The following NAPB variants were observed in gnomAD, a reference collection of about 807,000 sequenced individuals.
NAPB encodes the protein NSF attachment protein beta.
In NAPB, 26 loss-of-function variants were observed where a neutral mutation model predicts 44.7. The observed-to-expected ratio is 0.58, with a 90% CI of 0.43 to 0.81. NAPB has a LOEUF of 0.81. Among genes scored for constraint, NAPB ranks in the 30% least tolerant of loss-of-function variants. NAPB has a pLI of 0.00. For missense variants in NAPB, 315 were observed against 356.4 expected, an observed-to-expected ratio of 0.88 and a Z score of 0.94; for synonymous variants, 120 against 116.8, an observed-to-expected ratio of 1.03 and a Z score of -0.18.
At chr20:23,414,484 G>C (rs188293338) in intron 1 of NAPB, among the ~76,000 whole-genome samples, 4 of 152,002 alleles carry the variant, frequency 2.6e-5, no homozygotes, top group Admixed American at 6.6e-5. Context: ...GTTTATCTCC[G>C]CAGATATTCA....
rs1982401866 is a variant in NAPB, at chr20:23,375,143, C to A, written c.*2233G>T. The A allele has an allele frequency of 1.3e-5, 2 of 151,960 alleles. No homozygotes were observed. The highest frequency in any genetic ancestry group is 2.9e-5 in the Non-Finnish European group (2 of 68,010). 9.4% of individuals were successfully genotyped at this position (151,960 alleles called of 1,614,324 possible). ...TAATCTTCTGGCAGGTCTCTTCTAG[C>A]CATTACAATTACTTTGATTCTTTTC... On this transcript the variant is annotated 3_prime_UTR_variant, in exon 11 of 11. Coordinates refer to ENST00000377026, the MANE Select transcript of NAPB (RefSeq NM_022080.3).
intron 2 of NAPB, among the ~76,000 whole-genome samples, chr20:23,397,713 G>C (rs773107393): frequency 6.6e-6 from 1 of 152,138 alleles, no homozygotes; most frequent in South Asian, 2.1e-4. Context: ...ATCCAGAAAA[G>C]TCTAAAAATC....
At chr20:23,415,112 T>A (rs1685202464) in intron 1 of NAPB, among the ~76,000 whole-genome samples, 1 of 152,092 alleles carries the variant, frequency 6.6e-6, no homozygotes, top group South Asian at 2.1e-4. Context: ...TTATAATAAA[T>A]TTTTCATCAT....
At chr20:23,407,780 T>C (rs1985356880) in intron 1 of NAPB, among the ~76,000 whole-genome samples, 1 of 152,184 alleles carries the variant, frequency 6.6e-6, no homozygotes, top group Non-Finnish European at 1.5e-5. Flanking sequence ...GAGGAAACAT[T>C]GTCAAAGCCA....
intron 5 of NAPB, among the ~76,000 whole-genome samples, chr20:23,390,725 T>G (rs1181437550): frequency 6.6e-6 from 1 of 152,108 alleles, no homozygotes; most frequent in Non-Finnish European, 1.5e-5. Context: ...CCTAAGTAAT[T>G]ACAAAGGACA....
chr20:23,388,757 T>G (rs1239621795), intron 7 of NAPB, among the ~76,000 whole-genome samples: 2 of 151,992 alleles, frequency 1.3e-5, no homozygotes, highest in Non-Finnish European at 2.9e-5. Context: ...AAAAATTAAC[T>G]CAAAATGGAT....
At chr20:23,420,421 G>T (rs1986300873) in intron 1 of NAPB, among the ~76,000 whole-genome samples, 2 of 150,504 alleles carry the variant, frequency 1.3e-5, no homozygotes, top group Middle Eastern at 3.4e-3. Flanking sequence ...AGGTGTACTC[G>T]GCGCAAGGCC....
intron 2 of NAPB, among the ~76,000 whole-genome samples, chr20:23,402,623 C>T (rs1007430343): frequency 6.6e-6 from 1 of 152,148 alleles, no homozygotes; most frequent in Non-Finnish European, 1.5e-5. Flanking sequence ...GTTTTAATGA[C>T]TTTTATTCCA....
At chr20:23,389,009 G>GTTCT (rs2123165328) in intron 7 of NAPB, among the ~76,000 whole-genome samples, 2 of 151,830 alleles carry the variant, frequency 1.3e-5, no homozygotes, top group South Asian at 4.2e-4. Context: ...TATCTAATAG[G>GTTCT]GGATTAATAT....
intron 1 of NAPB, among the ~76,000 whole-genome samples, chr20:23,418,509 C>T (rs1451099967): frequency 6.6e-6 from 1 of 152,168 alleles, no homozygotes; most frequent in Non-Finnish European, 1.5e-5. Flanking sequence ...TACTAAACTC[C>T]TAAAATTCTA....
At chr20:23,395,896 G>T (rs992645322) in intron 3 of NAPB, among the ~76,000 whole-genome samples, 1 of 152,086 alleles carries the variant, frequency 6.6e-6, no homozygotes, top group Non-Finnish European at 1.5e-5. Context: ...GGTTTAAAGA[G>T]GCAGCAAAGT....
At position 23,390,050 on chromosome 20, in the gene NAPB, C is replaced by A; in HGVS notation, c.477-20G>T. 2 of 1,612,560 alleles carry A rather than the reference C, an allele frequency of 1.2e-6. No individual in the cohort carries two copies. Among genetic ancestry groups the A allele is most frequent in the Admixed American group, 1.7e-5 (1 of 59,876 alleles). ...GCTGAGCTGAAATCAAGAACCAAAG[C>A]AGAGTGAGTAACAAGTCAATGGAAA... On this transcript the variant is annotated intron_variant, in intron 6 of 10. Transcript: ENST00000377026.
intron 2 of NAPB, among the ~76,000 whole-genome samples, chr20:23,401,815 A>ATC (rs1984874633): frequency 6.6e-6 from 1 of 152,246 alleles, no homozygotes; most frequent in Non-Finnish European, 1.5e-5. Context: ...CCAGAGGCAG[A>ATC]GATTGCAGTC....
chr20:23,378,309 G>A (rs1982684983), intron 10 of NAPB, among the ~76,000 whole-genome samples: 1 of 151,724 alleles, frequency 6.6e-6, no homozygotes, highest in Non-Finnish European at 1.5e-5. Context: ...GAGTGACAGA[G>A]TGAGGATCTG....
chr20:23,383,811 T>C (rs952662238), intron 7 of NAPB, among the ~76,000 whole-genome samples: 1 of 152,244 alleles, frequency 6.6e-6, no homozygotes, highest in African/African-American at 2.4e-5. Flanking sequence ...TTCTAAATTA[T>C]GTTTGATGGC....
intron 7 of NAPB, among the ~76,000 whole-genome samples, chr20:23,387,691 A>C (rs779057052): frequency 8.5e-5 from 13 of 152,254 alleles, no homozygotes; most frequent in Non-Finnish European, 1.8e-4. Flanking sequence ...AAGAAATACA[A>C]AACTTACACA....
At chr20:23,396,515 C>A (rs188861615) in intron 3 of NAPB, among the ~76,000 whole-genome samples, 7 of 152,330 alleles carry the variant, frequency 4.6e-5, no homozygotes, top group Admixed American at 4.6e-4. Flanking sequence ...ACTCTTCTAA[C>A]TAAAAAGAAA....
At chr20:23,419,872 A>C (rs1222718011) in intron 1 of NAPB, among the ~76,000 whole-genome samples, 1 of 152,236 alleles carries the variant, frequency 6.6e-6, no homozygotes, top group Admixed American at 6.5e-5. Flanking sequence ...ACTGCATGCA[A>C]CTTGTCCTTA....
At chr20:23,387,742 T>C (rs1983632427) in intron 7 of NAPB, among the ~76,000 whole-genome samples, 1 of 151,976 alleles carries the variant, frequency 6.6e-6, no homozygotes, top group African/African-American at 2.4e-5. Context: ...TGAAAGAAGA[T>C]CCAAATAAAT....
Sources: allele counts gnomAD v4.1 joint callset (sites outside exome capture counted in the v4.1 genomes callset), GRCh38; gene constraint gnomAD v4.1.1; transcripts MANE v1.5; gene names NCBI Gene and HGNC (gene_info 2026-07-23, HGNC 2026-07-21).